The following ATR variants were observed in gnomAD, a reference collection of about 807,000 sequenced individuals.
ATR encodes ATR checkpoint kinase, also known as serine/threonine-protein kinase ATR.
Under a neutral mutation model 305.3 loss-of-function variants are expected in ATR, and 142 were observed. The ratio of observed to expected loss-of-function variants is 0.47; its 90% CI spans 0.41 to 0.53. The LOEUF is 0.53. Among genes scored for constraint, ATR ranks in the 20% least tolerant of loss-of-function variants. ATR has a pLI of 0.00. For missense variants in ATR, 2,135 were observed against 3,133.1 expected (o/e 0.68, Z 7.60); for synonymous variants, 1,050 against 1,068.1 (o/e 0.98, Z 0.33).
intron 23 of ATR, among the ~76,000 whole-genome samples, chr3:142,520,104 GAT>G (rs1315380721): frequency 6.6e-6 from 1 of 152,058 alleles, no homozygotes; most frequent in Admixed American, 6.6e-5. Flanking sequence ...CTGTTATAGT[GAT>G]ATATGATCAG....
chr3:142,536,014 G>T, intron 20 of ATR, 94 bp downstream of exon 20: 1 of 887,982 alleles, frequency 1.1e-6, no homozygotes, highest in Non-Finnish European at 1.9e-6. Context: ...ATTATCCCTA[G>T]ATATGATCCT....
At chr3:142,479,788 T>C (rs936875719) in intron 36 of ATR, among the ~76,000 whole-genome samples, 1 of 152,178 alleles carries the variant, frequency 6.6e-6, no homozygotes, top group African/African-American at 2.4e-5. Context: ...GTTCGTTTCT[T>C]TTTATTCTTT....
chr3:142,502,825 C>T (rs9815050), intron 30 of ATR, among the ~76,000 whole-genome samples: 11,132 of 152,198 alleles, frequency 0.073, 1,310 homozygotes, highest in African/African-American at 0.25. Flanking sequence ...CTAATCTCCA[C>T]ATTTAATCTC....
rs574734712 is a variant in ATR at position 142,547,928 on chromosome 3, T to TA, written c.3172-19dup. 9.9e-6 allele frequency: 16 copies of TA among 1,612,590 alleles called. No individual in the cohort carries two copies. The highest frequency in any genetic ancestry group is 1.7e-5 in the Admixed American group (1 of 59,898). On this transcript the variant is annotated intron_variant, in intron 15 of 46. Transcript: ENST00000350721. ...GTTTCATTCTAACCCAAAGACATGT[T>TA]AAAAAAAATTTTTTTCTTCATACTA...
In ATR at chr3:142,547,900, T is replaced by G; in HGVS notation, c.3182A>C (p.Glu1061Ala). 1.9e-6 allele frequency: 3 copies of G among 1,613,904 alleles called. No individual in the cohort carries two copies. The highest frequency in any genetic ancestry group is 2.5e-6 in the Non-Finnish European group (3 of 1,179,928). ...RALHYLKNET[E>A]IELGSLLRQD... ...TCTCAACAGGCTCCCCAGTTCAATT[T>G]CTGTTTCATTCTAACCCAAAGACAT... The change falls in exon 16 of 47, where the codon GAA (glutamate) becomes GCA (alanine). Residue 1061 changes from glutamate to alanine, a missense_variant. Physicochemically the swap from Glu to Ala is moderately radical, Grantham distance 107 (BLOSUM62 -1). Around this residue, in one of 9 missense-constraint regions of ATR, gnomAD observed 530 missense variants for 766.8 expected, o/e 0.69. Transcript: ENST00000350721.
intron 45 of ATR, among the ~76,000 whole-genome samples, chr3:142,454,482 C>T (rs1344166530): frequency 6.9e-6 from 1 of 145,458 alleles, no homozygotes; most frequent in African/African-American, 2.6e-5. Flanking sequence ...TCGCTGTCGC[C>T]CAGGCTGGAG....
At chr3:142,488,306 T>C (rs1467533402) in intron 35 of ATR, among the ~76,000 whole-genome samples, 2 of 152,348 alleles carry the variant, frequency 1.3e-5, no homozygotes, top group African/African-American at 4.8e-5. Flanking sequence ...AACGACTCTC[T>C]GTTGTTGCTA....
intron 32 of ATR, 48 bp downstream of exon 32, chr3:142,498,549 A>C (rs770545224): frequency 6.3e-7 from 1 of 1,590,244 alleles, no homozygotes; most frequent in East Asian, 2.3e-5. Flanking sequence ...CAATCCTGTC[A>C]GGTGACATTT....
Position 142,449,307 on chromosome 3 carries a change from A to C in ATR, c.*122T>G. 1.2e-6 allele frequency: 1 copy of C among 862,860 alleles called. No individual in the cohort carries two copies. The highest frequency in any genetic ancestry group is 1.8e-6 in the Non-Finnish European group (1 of 549,094). 53.5% of individuals were successfully genotyped at this position (862,860 alleles called of 1,614,324 possible). On this transcript the variant is annotated 3_prime_UTR_variant, in exon 47 of 47. Transcript: ENST00000350721. ...TTACATATAATTAATGATCAGAGAGAAATAACAGTTGCTGAGAACGTAAAT... is the reference window on the plus strand; with the variant it reads ...TTACATATAATTAATGATCAGAGAGCAATAACAGTTGCTGAGAACGTAAAT...
intron 21 of ATR, among the ~76,000 whole-genome samples, chr3:142,529,400 C>T (rs903580907): frequency 6.6e-6 from 1 of 151,936 alleles, no homozygotes; most frequent in Non-Finnish European, 1.5e-5. Flanking sequence ...CTTACTCTCC[C>T]CCTTCTCTCA....
chr3:142,542,697 T>C lies in ATR; in HGVS notation c.3418A>G (p.Ser1140Gly), dbSNP rs2034097384. Reference sequence around the variant, plus strand: ...TTATCTTCAATGCCAACACTAGAGCTCAGTAACTGCATGTTAAAAAAAGCC... The same window carrying C: ...TTATCTTCAATGCCAACACTAGAGCCCAGTAACTGCATGTTAAAAAAAGCC... ...ILAFFNMQLL[S>G]SSVGIEDKKM... The change falls in exon 17 of 47, where the codon AGC (serine) becomes GGC (glycine). Residue 1140 changes from serine (S) to glycine (G), a missense_variant. By Grantham distance (56) the Ser-to-Gly change is moderately conservative. Transcript: ENST00000350721. 6.2e-7 allele frequency: 1 copy of C among 1,613,330 alleles called. No homozygotes were observed. Among genetic ancestry groups the C allele is most frequent in the Non-Finnish European group, 8.5e-7 (1 of 1,179,676 alleles).
At chr3:142,560,489 T>C (rs369919017) in intron 5 of ATR, 35 bp from the exon 6 acceptor site, 5 of 1,534,558 alleles carry the variant, frequency 3.3e-6, no homozygotes, top group Non-Finnish European at 1.8e-6. Flanking sequence ...GATATTCATA[T>C]GCAATATAAA....
At position 142,568,279 on chromosome 3, in the gene ATR, T is replaced by C. The variant is rs573576499; in HGVS notation, c.60-125A>G. On this transcript the variant is annotated intron_variant, in intron 1 of 46. Coordinates refer to ENST00000350721, the MANE Select transcript of ATR (RefSeq NM_001184.4). ...AATGTTGATATTCACAGTATTCTTC[T>C]GTTTAAAAATTGAAAAGAAAATCTG... 18 of 725,510 alleles carry C rather than the reference T, an allele frequency of 2.5e-5. No individual in the cohort carries two copies. In the South Asian group the frequency reaches 3.1e-4, roughly 13 times the overall value. 44.9% of individuals were successfully genotyped at this position (725,510 alleles called of 1,614,324 possible). A position where few individuals can be genotyped will look rare whatever the true frequency, so the allele number is the denominator to read the frequency against.
intron 14 of ATR, 56 bp downstream of exon 14, chr3:142,550,076 G>T (rs1312286387): frequency 6.3e-7 from 1 of 1,591,576 alleles, no homozygotes; most frequent in African/African-American, 1.3e-5. Context: ...AATCTAGAAT[G>T]GAATGAACAA....
At chr3:142,487,796 A>G (rs1321951901) in intron 35 of ATR, among the ~76,000 whole-genome samples, 2 of 152,112 alleles carry the variant, frequency 1.3e-5, no homozygotes, top group Non-Finnish European at 2.9e-5. Context: ...TGTTTTTGTT[A>G]TGTTTAAGAA....
chr3:142,466,236 T>C lies in ATR; in HGVS notation c.6897+88A>G, dbSNP rs148296632. The C allele has an allele frequency of 0.011, 14,985 of 1,367,080 alleles. 142 individuals carry two copies. The highest frequency in any genetic ancestry group is 0.013 in the Non-Finnish European group (12,839 of 970,514). 84.7% of individuals were successfully genotyped at this position (1,367,080 alleles called of 1,614,324 possible). A position where few individuals can be genotyped will look rare whatever the true frequency, so the allele number is the denominator to read the frequency against. On this transcript the variant is annotated intron_variant, in intron 40 of 46. Coordinates refer to ENST00000350721, the MANE Select transcript of ATR (RefSeq NM_001184.4). ...TTTTTCTTCACAAATAAGATTCACG[T>C]AGATTTTGTGAAATACACTTTTTAT...
At chr3:142,453,355 G>T in intron 45 of ATR, 122 bp from the exon 46 acceptor site, 1 of 1,234,268 alleles carries the variant, frequency 8.1e-7, no homozygotes, top group Non-Finnish European at 1.1e-6. Context: ...ACATTACTAC[G>T]TCTTCATTAA....
chr3:142,559,433 A>G lies in ATR; in HGVS notation c.1550T>C (p.Phe517Ser), dbSNP rs2108480552. ...CTTGGATTTATGTTGACAGTCCTTG[A>G]AAGTACGGCTGCAGTAAGTACATTT... The part of the protein sequence containing the change: ...CSHQNMNCRT[F>S]KDCQHKSKKK... The change falls in exon 7 of 47, where the codon TTC (phenylalanine) becomes TCC (serine). Residue 517 changes from phenylalanine (F) to serine (S), a missense_variant. By Grantham distance (155) the Phe-to-Ser change is radical (BLOSUM62 -2). Around this residue, in one of 9 missense-constraint regions of ATR, gnomAD observed 744 missense variants for 873.2 expected, o/e 0.85. Transcript: ENST00000350721. 2 of 1,613,482 alleles carry G rather than the reference A, an allele frequency of 1.2e-6. No individual in the cohort carries two copies. Among genetic ancestry groups the G allele is most frequent in the South Asian group, 1.1e-5 (1 of 91,056 alleles).
chr3:142,486,376 T>A (rs1190902153), intron 35 of ATR, among the ~76,000 whole-genome samples: 1 of 152,126 alleles, frequency 6.6e-6, no homozygotes, highest in Non-Finnish European at 1.5e-5. Flanking sequence ...CCACACAGGG[T>A]AAGGGCTGCC....
Sources: gnomAD v4.1 joint callset for allele counts (sites outside exome capture counted in the v4.1 genomes callset) on GRCh38, gnomAD v4.1.1 for gene constraint, gnomAD v4.1.1 regional missense constraint, MANE v1.5 for transcripts, NCBI Gene and HGNC (gene_info 2026-07-23, HGNC 2026-07-21) for gene names.